Variants in DST observed in about 807,000 individuals in gnomAD.
DST encodes the protein dystonin.
Under a neutral mutation model 875.2 loss-of-function variants are expected in DST, and 253 were observed. The ratio of observed to expected loss-of-function variants is 0.29; its 90% CI spans 0.26 to 0.32. The LOEUF is 0.32. DST is among the 10% of genes least tolerant of loss of function. The pLI is 1.00. For synonymous variants in DST, 3,124 were observed against 3,197.1 expected, an observed-to-expected ratio of 0.98 and a Z score of 0.77; for missense variants, 8,287 against 9,111.6, an observed-to-expected ratio of 0.91 and a Z score of 3.68.
At chr6:56,602,693 C>T (rs1586296854) in intron 43 of DST, among the ~76,000 whole-genome samples, 189 bp downstream of exon 43, 1 of 151,826 alleles carries the variant, frequency 6.6e-6, no homozygotes, top group East Asian at 1.9e-4. Context: ...TTTGGGATAG[C>T]ATCAGAATGA....
At chr6:56,748,965 G>A (rs1380157685) in intron 4 of DST, among the ~76,000 whole-genome samples, 5 of 152,148 alleles carry the variant, frequency 3.3e-5, no homozygotes, top group African/African-American at 9.7e-5. Context: ...GGATCAAGCC[G>A]TTCACTAAAT....
intron 4 of DST, among the ~76,000 whole-genome samples, chr6:56,745,633 A>G (rs2099569988): frequency 1.3e-5 from 2 of 152,208 alleles, no homozygotes; most frequent in Non-Finnish European, 1.5e-5. Flanking sequence ...CAAACCACTG[A>G]TATAACAGCA....
chr6:56,890,083 C>G (rs1234676639), intron 3 of DST, among the ~76,000 whole-genome samples: 1 of 150,310 alleles, frequency 6.7e-6, no homozygotes, highest in Non-Finnish European at 1.5e-5. Context: ...GAATTGTAAT[C>G]ATGGGGAGTT....
chr6:56,497,371 T>C lies in DST; in HGVS notation c.20223+8A>G. On this transcript the variant is annotated splice_region_variant and intron_variant, in intron 82 of 103. Coordinates refer to ENST00000680361, the MANE Select transcript of DST (RefSeq NM_001374736.1). ...TGAGGCTAAAGCTGTAGGAAATACT[T>C]TGCTTACCATATGGACATTAAGCTG... 6.2e-7 allele frequency: 1 copy of C among 1,611,670 alleles called. No individual in the cohort carries two copies. The highest frequency in any genetic ancestry group is 8.5e-7 in the Non-Finnish European group (1 of 1,178,256).
rs1586979900 is a variant in DST, at chr6:56,625,107, G to C, written c.4830+50C>G. On this transcript the variant is annotated intron_variant, in intron 35 of 103. Transcript: ENST00000680361. ...ACAAAAAATAAAATTTAAAAAGTAA[G>C]TGTTCTTTCTTTTATGCCCCTTCCC... is the stretch of plus-strand genomic sequence containing the variant. The C allele has an allele frequency of 4.8e-6, 6 of 1,246,834 alleles. No individual in the cohort carries two copies. The East Asian group carries it at 1.4e-4, about 29-fold the overall frequency. 77.2% of individuals were successfully genotyped at this position (1,246,834 alleles called of 1,614,324 possible). A position where few individuals can be genotyped will look rare whatever the true frequency, so the allele number is the denominator to read the frequency against.
chr6:56,520,324 T>C (rs1036073237), intron 69 of DST, among the ~76,000 whole-genome samples: 4 of 152,252 alleles, frequency 2.6e-5, no homozygotes, highest in Middle Eastern at 3.4e-3. Flanking sequence ...AGATTGTGAC[T>C]GAAAAAATAC....
intron 4 of DST, among the ~76,000 whole-genome samples, chr6:56,805,396 A>G (rs1371869091): frequency 6.6e-6 from 1 of 152,212 alleles, no homozygotes; most frequent in Non-Finnish European, 1.5e-5. Context: ...TTTGAAGTTA[A>G]TATCACCATG....
chr6:56,916,778 TCACA>T (rs70989742), intron 2 of DST, among the ~76,000 whole-genome samples: 2,705 of 91,278 alleles, frequency 0.03, 39 homozygotes, highest in Non-Finnish European at 0.038. Flanking sequence ...TCTCTCTCTC[TCACA>T]CACACACACA....
intron 90 of DST, among the ~76,000 whole-genome samples, chr6:56,477,980 A>T (rs1360724213): frequency 6.6e-6 from 1 of 152,194 alleles, no homozygotes; most frequent in African/African-American, 2.4e-5. Flanking sequence ...GAATATTTTT[A>T]ACCATTTTAT....
Position 56,508,675 on chromosome 6 carries a change from G to C in DST, c.19093C>G (p.Leu6365Val). The change falls in exon 75 of 104, where the codon CTG becomes GTG. Residue 6365 changes from leucine (L) to valine (V), a missense_variant. Physicochemically the swap from Leu to Val is conservative, Grantham distance 32 (BLOSUM62 1). Coordinates refer to ENST00000680361, the MANE Select transcript of DST (RefSeq NM_001374736.1). ...TTTTCTGCTAGCTCCATCACATCCA[G>C]TAGTTTGGCTTCCCTCTCTTCCACC... The part of the protein sequence containing the change: ...TLVEEREAKL[L>V]DVMELAEKFW... 2 of 1,613,848 alleles carry C rather than the reference G, an allele frequency of 1.2e-6. No homozygotes were observed. Among genetic ancestry groups the C allele is most frequent in the Non-Finnish European group, 1.7e-6 (2 of 1,179,792 alleles).
Position 56,608,445 on chromosome 6 carries a change from C to A in DST, c.6183G>T (p.Leu2061=), listed in dbSNP as rs763763976. 1 of 1,613,714 alleles carries A rather than the reference C, an allele frequency of 6.2e-7. No homozygotes were observed. The highest frequency in any genetic ancestry group is 2.2e-5 in the East Asian group (1 of 44,886). ...CDLITSSSAL[L]VLEAQRGYVG... is the part of the protein sequence containing the mutation. ...CATAGCCTCGCTGAGCTTCCAGGAC[C>A]AGAAGAGCACTGCTGGAAGTTATTA... Residue 2061 remains leucine (L), a synonymous_variant, in exon 40 of 104, where the codon CTG becomes CTT. Transcript: ENST00000680361.
intron 2 of DST, among the ~76,000 whole-genome samples, chr6:56,945,484 GGTAAAAGACTGAT>G: frequency 6.6e-6 from 1 of 152,238 alleles, no homozygotes; most frequent in South Asian, 2.1e-4. Context: ...CATAAGATGT[GGTAAAAGACTGAT>G]GATTCAGTTT....
chr6:56,647,275 T>C (rs1471827045), intron 13 of DST, among the ~76,000 whole-genome samples: 2 of 152,232 alleles, frequency 1.3e-5, no homozygotes, highest in East Asian at 1.9e-4. Context: ...ATGGTCGTTG[T>C]AGGGAAAAGT....
At chr6:56,852,555 A>G (rs372254633) in intron 3 of DST, among the ~76,000 whole-genome samples, 10 of 152,244 alleles carry the variant, frequency 6.6e-5, no homozygotes, top group Admixed American at 3.3e-4. Context: ...ATAGAGGGAA[A>G]AGGCACAAGA....
chr6:56,825,105 T>G (rs1179675008), intron 4 of DST, among the ~76,000 whole-genome samples: 2 of 151,860 alleles, frequency 1.3e-5, no homozygotes, highest in Non-Finnish European at 2.9e-5. Flanking sequence ...TTGCCGTGTC[T>G]GTGTAGAAAG....
At position 56,636,638 on chromosome 6, in the gene DST, T is replaced by G; in HGVS notation, c.2979A>C (p.Ala993=). ...ARLTIEAYRA[A]MQTQWSWILQ... ...AGATCCAGCTCCACTGCGTCTGCAT[T>G]GCCGCTCTGTAGGCCTTAAAGATAA... The change falls in exon 23 of 104, where the codon GCA becomes GCC. Residue 993 remains alanine (A), a synonymous_variant. Transcript: ENST00000680361. 6.2e-7 allele frequency: 1 copy of G among 1,613,524 alleles called. No homozygotes were observed. Among genetic ancestry groups the G allele is most frequent in the Non-Finnish European group, 8.5e-7 (1 of 1,179,904 alleles).
intron 5 of DST, among the ~76,000 whole-genome samples, chr6:56,731,797 C>T (rs2099499674): frequency 6.6e-6 from 1 of 152,130 alleles, no homozygotes; most frequent in Admixed American, 6.6e-5. Context: ...TAATATTTCT[C>T]AAACTTTTTG....
At chr6:56,793,622 T>A (rs527806128) in intron 4 of DST, among the ~76,000 whole-genome samples, 4 of 152,338 alleles carry the variant, frequency 2.6e-5, no homozygotes, top group Non-Finnish European at 4.4e-5. Flanking sequence ...TATAAAAAGT[T>A]TTAATCTGGC....
At chr6:56,564,453 C>A (rs369574842) in intron 55 of DST, among the ~76,000 whole-genome samples, 11 of 152,306 alleles carry the variant, frequency 7.2e-5, no homozygotes, top group Admixed American at 3.3e-4. Flanking sequence ...AGTTGCTTAA[C>A]AGCTTAAGGA....
Sources: gnomAD v4.1 joint callset for allele counts (sites outside exome capture counted in the v4.1 genomes callset) on GRCh38, gnomAD v4.1.1 for gene constraint, MANE v1.5 for transcripts, NCBI Gene and HGNC (gene_info 2026-07-23, HGNC 2026-07-21) for gene names.